TOX2: variants seen among roughly 807,000 people sequenced by gnomAD.
TOX2 encodes granulosa cell HMG box 1.
TOX2 carries 15 observed loss-of-function variants against 47.4 expected under a neutral mutation model. The ratio of observed to expected loss-of-function variants is 0.32; its 90% CI spans 0.21 to 0.49. The LOEUF is 0.49. Among genes scored for constraint, TOX2 ranks in the 20% least tolerant of loss-of-function variants. The pLI, the probability that TOX2 is intolerant of heterozygous loss-of-function variation, is 0.99. For missense variants in TOX2, 622 were observed against 673.1 expected, an observed-to-expected ratio of 0.92 and a Z score of 0.84; for synonymous variants, 290 against 296.6, an observed-to-expected ratio of 0.98 and a Z score of 0.23.
At chr20:44,046,909 AG>A (rs2077979827) in intron 3 of TOX2, among the ~76,000 whole-genome samples, 1 of 152,216 alleles carries the variant, frequency 6.6e-6, no homozygotes, top group Admixed American at 6.5e-5. Context: ...TGAACCTAAA[AG>A]TTTTTAAAAA....
intron 2 of TOX2, among the ~76,000 whole-genome samples, chr20:43,986,736 GTC>G (rs1183698844): frequency 1.3e-5 from 2 of 152,160 alleles, no homozygotes; most frequent in African/African-American, 4.8e-5. Context: ...CTGAATATAT[GTC>G]TCTATGACTC....
chr20:43,951,707 G>GGTTT (rs745489872), intron 1 of TOX2, among the ~76,000 whole-genome samples: 7 of 55,098 alleles, frequency 1.3e-4, no homozygotes, highest in African/African-American at 3.8e-4. Context: ...AACTTATTAT[G>GGTTT]TTTTTTTTTT....
At chr20:43,937,124 G>A (rs2069336347) in intron 1 of TOX2, among the ~76,000 whole-genome samples, 1 of 152,206 alleles carries the variant, frequency 6.6e-6, no homozygotes, top group Admixed American at 6.5e-5. Context: ...AGCTCTGGGG[G>A]GACTGTGGGA....
At chr20:43,945,539 G>A (rs2069453830) in intron 1 of TOX2, among the ~76,000 whole-genome samples, 1 of 152,234 alleles carries the variant, frequency 6.6e-6, no homozygotes, top group Non-Finnish European at 1.5e-5. Context: ...TTCACACGTT[G>A]ACAGGTGCTG....
chr20:44,022,955 C>A (rs1600748238), intron 3 of TOX2, among the ~76,000 whole-genome samples: 1 of 149,936 alleles, frequency 6.7e-6, no homozygotes, highest in Non-Finnish European at 1.5e-5. Context: ...GAAACAGGCA[C>A]CAGACGGGAT....
intron 2 of TOX2, among the ~76,000 whole-genome samples, chr20:43,979,285 G>A (rs1157365235): frequency 6.6e-6 from 1 of 152,168 alleles, no homozygotes; most frequent in Non-Finnish European, 1.5e-5. Context: ...TGGAGAGAGG[G>A]AAGAACGAGA....
chr20:43,928,724 A>T (rs1421337061), intron 1 of TOX2, among the ~76,000 whole-genome samples: 1 of 151,964 alleles, frequency 6.6e-6, no homozygotes, highest in African/African-American at 2.4e-5. Flanking sequence ...CTTTCCATGG[A>T]GTTTGGAGAC....
intron 3 of TOX2, among the ~76,000 whole-genome samples, chr20:44,012,585 C>A (rs373013927): frequency 2.6e-5 from 4 of 152,128 alleles, no homozygotes; most frequent in African/African-American, 9.7e-5. Context: ...CATTCTCCTC[C>A]CAGCTTTGAC....
chr20:43,987,847 G>T (rs2070294867), intron 2 of TOX2, among the ~76,000 whole-genome samples: 1 of 151,920 alleles, frequency 6.6e-6, no homozygotes, highest in Non-Finnish European at 1.5e-5. Flanking sequence ...AGCTCTGCAG[G>T]CTCTGGCCTT....
intron 3 of TOX2, among the ~76,000 whole-genome samples, chr20:44,014,888 G>A (rs1424025274): frequency 6.6e-6 from 1 of 152,098 alleles, no homozygotes; most frequent in African/African-American, 2.4e-5. Context: ...GGCAGGGGAA[G>A]GCATATTAGT....
At chr20:43,932,035 C>A (rs968485071) in intron 1 of TOX2, among the ~76,000 whole-genome samples, 2 of 152,070 alleles carry the variant, frequency 1.3e-5, no homozygotes, top group Non-Finnish European at 2.9e-5. Context: ...TGGGAGGTAA[C>A]AGGAGGGAAG....
intron 1 of TOX2, chr20:43,945,798 C>A: frequency 6.9e-7 from 1 of 1,439,398 alleles, no homozygotes; most frequent in Non-Finnish European, 9.5e-7. Flanking sequence ...TCACCTTATA[C>A]GAATGGGATG....
rs145272256 is a variant in TOX2 at position 44,020,733 on chromosome 20, G to T, written c.411+13941G>T. On this transcript the variant is annotated intron_variant, in intron 3 of 8. Transcript: ENST00000341197. ...GGCCCAGCAGCCCATGCCTAACCAC[G>T]CCTCCAGGGGCTTCTAATGCCAGCC... Among the ~76,000 whole-genome samples the T allele has an allele frequency of 4.1e-3, 632 of 152,292 alleles. 6 individuals are homozygous for T. The highest frequency in any genetic ancestry group is 0.014 in the African/African-American group (592 of 41,554).
chr20:44,033,220 C>T (rs1051832030), intron 3 of TOX2, among the ~76,000 whole-genome samples: 2 of 152,110 alleles, frequency 1.3e-5, no homozygotes, highest in African/African-American at 2.4e-5. Context: ...CCTATTGGTT[C>T]TCTTTTCCTC....
chr20:43,992,418 G>A (rs530887633), intron 2 of TOX2, among the ~76,000 whole-genome samples: 130 of 152,260 alleles, frequency 8.5e-4, no homozygotes, highest in Non-Finnish European at 1.6e-3. Context: ...GGCAGGGCAC[G>A]TGCATGGGGT....
chr20:44,008,206 C>T (rs1356032225), intron 3 of TOX2, among the ~76,000 whole-genome samples: 8 of 151,984 alleles, frequency 5.3e-5, no homozygotes, highest in Admixed American at 5.2e-4. Context: ...TGAAAGAGCT[C>T]AGCAGGGCCT....
At chr20:43,970,159 A>G (rs1309443984) in intron 1 of TOX2, among the ~76,000 whole-genome samples, 1 of 152,214 alleles carries the variant, frequency 6.6e-6, no homozygotes, top group Non-Finnish European at 1.5e-5. Flanking sequence ...GAGTCCAAGC[A>G]GAAAAAATCC....
At chr20:44,017,675 A>G (rs1038618539) in intron 3 of TOX2, among the ~76,000 whole-genome samples, 1 of 152,232 alleles carries the variant, frequency 6.6e-6, no homozygotes, top group Non-Finnish European at 1.5e-5. Context: ...AGCAGTTACT[A>G]TGGAACTGGC....
intron 3 of TOX2, among the ~76,000 whole-genome samples, chr20:44,040,869 A>G (rs540671217): frequency 6.6e-6 from 1 of 152,272 alleles, no homozygotes; most frequent in African/African-American, 2.4e-5. Flanking sequence ...GTTGGGGCAG[A>G]AGTTTTTAAG....
Sources: gnomAD v4.1 joint callset for allele counts (sites outside exome capture counted in the v4.1 genomes callset) on GRCh38, gnomAD v4.1.1 for gene constraint, MANE v1.5 for transcripts, NCBI Gene and HGNC (gene_info 2026-07-23, HGNC 2026-07-21) for gene names.